The following PVT1 variants were observed in gnomAD, a reference collection of about 807,000 sequenced individuals.
PVT1 encodes the protein CXCR4/PVT1 fusion.
chr8:128,077,500 T>C (rs1814106342), intron 5 of PVT1, among the ~76,000 whole-genome samples: 1 of 152,168 alleles, frequency 6.6e-6, no homozygotes, highest in Admixed American at 6.5e-5. Flanking sequence ...GAAAAAAAAC[T>C]CATAATTTTA....
intron 4 of PVT1, among the ~76,000 whole-genome samples, chr8:128,016,568 G>C (rs1817376465): frequency 6.6e-6 from 1 of 152,212 alleles, no homozygotes; most frequent in African/African-American, 2.4e-5. Context: ...GCTGGATCAT[G>C]ATTTACATTA....
intron 2 of PVT1, among the ~76,000 whole-genome samples, chr8:127,884,050 T>C (rs1423671624): frequency 2.6e-5 from 4 of 152,226 alleles, no homozygotes; most frequent in African/African-American, 9.6e-5. Flanking sequence ...ACATGTCATA[T>C]GTGTATCGAT....
chr8:127,841,975 C>T (rs1260164317), intron 2 of PVT1, among the ~76,000 whole-genome samples: 1 of 135,458 alleles, frequency 7.4e-6, no homozygotes, highest in African/African-American at 2.5e-5. Flanking sequence ...CCACCCTCCT[C>T]GGCCTCCCAA....
At chr8:127,969,376 C>T (rs772387627) in intron 3 of PVT1, among the ~76,000 whole-genome samples, 2 of 152,080 alleles carry the variant, frequency 1.3e-5, no homozygotes, top group Admixed American at 6.6e-5. Context: ...TCTCCCTGGC[C>T]GAGAGCTTTT....
intron 2 of PVT1, among the ~76,000 whole-genome samples, chr8:127,873,665 C>T (rs928183734): frequency 2.0e-5 from 3 of 152,146 alleles, no homozygotes; most frequent in Non-Finnish European, 4.4e-5. Context: ...AAATACCCCT[C>T]TTGGTGTACA....
chr8:127,987,158 C>T (rs1816979130), intron 3 of PVT1, among the ~76,000 whole-genome samples: 1 of 152,210 alleles, frequency 6.6e-6, no homozygotes, highest in Non-Finnish European at 1.5e-5. Context: ...GTGAAATGTC[C>T]TCTACAGAAT....
exon 3 of PVT1, chr8:127,890,593 G>C (rs1476218480): frequency 6.6e-6 from 1 of 152,248 alleles, no homozygotes; most frequent in Non-Finnish European, 1.5e-5. Flanking sequence ...TTGCAGGCCT[G>C]ATCTTTTGGC....
chr8:127,974,031 G>A (rs1173068661), intron 3 of PVT1, among the ~76,000 whole-genome samples: 2 of 152,008 alleles, frequency 1.3e-5, no homozygotes, highest in Non-Finnish European at 2.9e-5. Flanking sequence ...TTATTTCTTG[G>A]CCTCTCAGCA....
chr8:128,005,684 G>A (rs993761629), intron 4 of PVT1, among the ~76,000 whole-genome samples: 2 of 152,166 alleles, frequency 1.3e-5, no homozygotes, highest in Non-Finnish European at 2.9e-5. Context: ...AGCCACATAT[G>A]GCTTCCTTTG....
chr8:127,922,513 C>T lies in PVT1; in HGVS notation n.782+31515C>T, dbSNP rs112266950. Among the ~76,000 whole-genome samples the T allele has an allele frequency of 1.8e-4, 27 of 152,306 alleles. 1 individual carries two copies. The highest frequency in any genetic ancestry group is 6.5e-4 in the African/African-American group (27 of 41,578). ...CCATGGCTGCAGAGCTCCTGCTGTTCCTTCTGCCTAGTTCACTCTTCTTTG... is the reference window on the plus strand; with the variant it reads ...CCATGGCTGCAGAGCTCCTGCTGTTTCTTCTGCCTAGTTCACTCTTCTTTG... On this transcript the variant is annotated intron_variant and non_coding_transcript_variant, in intron 3 of 10. Transcript: ENST00000651587.
At chr8:127,814,237 G>A (rs1405601628) in intron 2 of PVT1, among the ~76,000 whole-genome samples, 1 of 152,202 alleles carries the variant, frequency 6.6e-6, no homozygotes, top group Non-Finnish European at 1.5e-5. Flanking sequence ...TTATTCCCAA[G>A]AAAAGAGCTT....
chr8:127,872,028 G>T (rs1815356848), intron 2 of PVT1, among the ~76,000 whole-genome samples: 2 of 152,030 alleles, frequency 1.3e-5, no homozygotes, highest in Admixed American at 6.6e-5. Context: ...GGAGGCGGAG[G>T]TTGCAGTGAG....
At chr8:128,090,010 C>A (rs1160817797) in intron 5 of PVT1, among the ~76,000 whole-genome samples, 2 of 152,282 alleles carry the variant, frequency 1.3e-5, no homozygotes, top group African/African-American at 4.8e-5. Flanking sequence ...TAACAAAATC[C>A]TCAGATTTTA....
intron 2 of PVT1, among the ~76,000 whole-genome samples, chr8:127,796,268 C>A (rs1814395430): frequency 6.6e-6 from 1 of 151,948 alleles, no homozygotes; most frequent in Non-Finnish European, 1.5e-5. Flanking sequence ...TTCTGATTAA[C>A]TTTCCTTTTC....
At chr8:127,860,657 C>T (rs1008123585) in intron 2 of PVT1, among the ~76,000 whole-genome samples, 7 of 150,964 alleles carry the variant, frequency 4.6e-5, no homozygotes, top group African/African-American at 7.3e-5. Flanking sequence ...CCCAGCTACT[C>T]GGAAGGCTGA....
chr8:128,079,004 C>CTTTT (rs200203311), intron 5 of PVT1, among the ~76,000 whole-genome samples: 1 of 127,978 alleles, frequency 7.8e-6, no homozygotes, highest in Non-Finnish European at 1.7e-5. Flanking sequence ...CTTTTCTTTT[C>CTTTT]TTTTTTTTTT....
intron 3 of PVT1, among the ~76,000 whole-genome samples, chr8:127,976,516 T>A (rs1014807078): frequency 1.3e-5 from 2 of 152,310 alleles, no homozygotes; most frequent in Admixed American, 1.3e-4. Flanking sequence ...CATCTCCACC[T>A]GGCCCCCAGA....
At chr8:127,868,814 T>TATACGTATATATATATGTATATAC (rs1815320859) in intron 2 of PVT1, among the ~76,000 whole-genome samples, 1 of 136,186 alleles carries the variant, frequency 7.3e-6, no homozygotes, top group Non-Finnish European at 1.6e-5. Context: ...TACATATATA[T>TATACGTATATATATATGTATATAC]ATATATGTAT....
chr8:127,896,663 GTGCAGGTTT>G (rs1815680898), intron 3 of PVT1, among the ~76,000 whole-genome samples: 1 of 151,906 alleles, frequency 6.6e-6, no homozygotes. Flanking sequence ...TGTGCAGGAT[GTGCAGGTTT>G]GTTACATGGT....
Sources: gnomAD v4.1 joint callset for allele counts (sites outside exome capture counted in the v4.1 genomes callset) on GRCh38, gnomAD v4.1.1 for gene constraint, MANE v1.5 for transcripts, NCBI Gene and HGNC (gene_info 2026-07-23, HGNC 2026-07-21) for gene names.